DSG4: variants seen among roughly 807,000 people sequenced by gnomAD.
DSG4 encodes the protein desmoglein 4, also known as desmoglein-4.
DSG4 carries 87 observed loss-of-function variants against 93.1 expected under a neutral mutation model. That is an observed-to-expected ratio of 0.93 (90% confidence interval 0.79 to 1.12). The LOEUF (loss-of-function observed/expected upper bound fraction) is 1.12. Among genes scored for constraint, DSG4 ranks in the 50% most tolerant of loss-of-function variants. The probability of loss-of-function intolerance (pLI) is 0.00; values close to 1 mark genes in which losing one functional copy is unlikely to be tolerated. For synonymous variants in DSG4, 432 were observed against 452.9 expected (o/e 0.95, Z 0.59); for missense variants, 1,373 against 1,285.7 (o/e 1.07, Z -1.04).
chr18:31,412,528 C>T (rs987744117), intron 15 of DSG4, among the ~76,000 whole-genome samples: 1 of 152,170 alleles, frequency 6.6e-6, no homozygotes, highest in Non-Finnish European at 1.5e-5. Context: ...AATTTTATCT[C>T]ATATTTCAGT....
chr18:31,403,416 A>G lies in DSG4; in HGVS notation c.1418A>G (p.Asp473Gly). The change falls in exon 11 of 16, where the codon GAT becomes GGT. Residue 473 changes from aspartate (D) to glycine (G), a missense_variant and splice_region_variant. Asp to Gly is a moderately conservative substitution (Grantham distance 94). Transcript: ENST00000308128. ...IYTAEILAID[D>G]GSGKTATGTI... ...ACACCAATGACCCTTACTCTTTCAGATGGCTCTGGAAAAACAGCTACAGGA... is the reference window on the plus strand; with the variant it reads ...ACACCAATGACCCTTACTCTTTCAGGTGGCTCTGGAAAAACAGCTACAGGA... 1 of 1,611,118 alleles carries G rather than the reference A, an allele frequency of 6.2e-7. No homozygotes were observed. The highest frequency in any genetic ancestry group is 8.5e-7 in the Non-Finnish European group (1 of 1,178,306).
chr18:31,395,016 C>A (rs2072290652), intron 8 of DSG4, among the ~76,000 whole-genome samples: 1 of 152,036 alleles, frequency 6.6e-6, no homozygotes, highest in Admixed American at 6.6e-5. Context: ...TATCTTTCTA[C>A]CCCCAGCACC....
chr18:31,390,137 A>T (rs1168166238), intron 5 of DSG4, among the ~76,000 whole-genome samples: 1 of 152,212 alleles, frequency 6.6e-6, no homozygotes, highest in Non-Finnish European at 1.5e-5. Context: ...TTCAATAATT[A>T]TAAATTTGTG....
intron 12 of DSG4, among the ~76,000 whole-genome samples, chr18:31,409,160 C>G (rs2144214906): frequency 6.6e-6 from 1 of 152,254 alleles, no homozygotes; most frequent in South Asian, 2.1e-4. Context: ...GTTCAAGAGT[C>G]TTAGACTAAA....
chr18:31,399,943 A>G (rs1281516487), intron 9 of DSG4, among the ~76,000 whole-genome samples: 1 of 152,180 alleles, frequency 6.6e-6, no homozygotes, highest in Admixed American at 6.5e-5. Flanking sequence ...TGACTTAGAG[A>G]CTAATTTCAA....
intron 2 of DSG4, among the ~76,000 whole-genome samples, chr18:31,385,709 T>C (rs2072180076): frequency 6.6e-6 from 1 of 152,102 alleles, no homozygotes; most frequent in South Asian, 2.1e-4. Context: ...AAAAATAAAG[T>C]TTTCTCATCT....
chr18:31,377,022 T>C (rs375558885), intron 1 of DSG4, 63 bp downstream of exon 1: 15 of 1,551,134 alleles, frequency 9.7e-6, no homozygotes, highest in African/African-American at 8.2e-5. Flanking sequence ...CTGTCAACTG[T>C]CGGGCTTTCT....
intron 1 of DSG4, among the ~76,000 whole-genome samples, chr18:31,379,056 G>A (rs918842167): frequency 6.6e-6 from 1 of 152,064 alleles, no homozygotes; most frequent in Non-Finnish European, 1.5e-5. Flanking sequence ...CCAGCAAAAG[G>A]TACTCAAAAC....
At chr18:31,394,449 T>C (rs945840251) in intron 8 of DSG4, among the ~76,000 whole-genome samples, 1 of 145,872 alleles carries the variant, frequency 6.9e-6, no homozygotes, top group East Asian at 1.9e-4. Flanking sequence ...TGGTGACACA[T>C]GTCTGTAATC....
At chr18:31,383,418 A>G (rs1340917481) in intron 1 of DSG4, among the ~76,000 whole-genome samples, 1 of 152,144 alleles carries the variant, frequency 6.6e-6, no homozygotes, top group African/African-American at 2.4e-5. Flanking sequence ...TCAAATTGGG[A>G]CACGTATTTT....
intron 10 of DSG4, chr18:31,401,655 T>C (rs1260033639): frequency 2.6e-5 from 4 of 152,188 alleles, no homozygotes; most frequent in Non-Finnish European, 4.4e-5. Context: ...ACAGGATTTG[T>C]TTATTTATCA....
At chr18:31,391,664 A>T (rs1169819064) in intron 7 of DSG4, among the ~76,000 whole-genome samples, 2 of 140,146 alleles carry the variant, frequency 1.4e-5, no homozygotes, top group East Asian at 2.0e-4. Context: ...GTTTCGGTTT[A>T]AAAAAAAAAA....
At position 31,413,107 on chromosome 18, in the gene DSG4, G is replaced by T. The variant is rs1254422235; in HGVS notation, c.2635G>T (p.Glu879Ter). 4 of 1,614,148 alleles carry T rather than the reference G, an allele frequency of 2.5e-6. No homozygotes were observed. The highest frequency in any genetic ancestry group is 1.7e-6 in the Non-Finnish European group (2 of 1,180,028). Residue 879 changes from glutamate to a stop codon, truncating the protein, a stop_gained, in exon 16 of 16, where the codon GAA becomes TAA. Transcript: ENST00000308128. LOFTEE classifies it low-confidence loss of function (END_TRUNC). ...PLLGPNYFVN[E>*]SSGLTPSEVE... ...GCTCGGACCTAATTACTTTGTTAAT[G>T]AATCTTCAGGATTGACTCCCTCAGA...
At chr18:31,377,891 G>T (rs1313560509) in intron 1 of DSG4, among the ~76,000 whole-genome samples, 1 of 152,200 alleles carries the variant, frequency 6.6e-6, no homozygotes, top group African/African-American at 2.4e-5. Context: ...CTTAGAAAGT[G>T]ATTCCCATCC....
In DSG4 at chr18:31,406,285, T is replaced by G; in HGVS notation, c.1845T>G (p.Pro615=). 6.2e-7 allele frequency: 1 copy of G among 1,614,232 alleles called. No homozygotes were observed. The highest frequency in any genetic ancestry group is 8.5e-7 in the Non-Finnish European group (1 of 1,180,042). ...TEDITGDTYG[P]VTEDQAGVSN... ...ACATAACTGGTGACACGTATGGGCC[T>G]GTCACTGAAGACCAAGCTGGAGTTT... The change falls in exon 12 of 16, where the codon CCT becomes CCG. Residue 615 remains proline (P), a synonymous_variant. Coordinates refer to ENST00000308128, the MANE Select transcript of DSG4 (RefSeq NM_177986.5).
At chr18:31,409,171 G>T (rs2072458002) in intron 12 of DSG4, among the ~76,000 whole-genome samples, 1 of 152,126 alleles carries the variant, frequency 6.6e-6, no homozygotes, top group African/African-American at 2.4e-5. Flanking sequence ...TTAGACTAAA[G>T]ACGACCTTAC....
At chr18:31,403,395 C>A in intron 10 of DSG4, 21 bp from the exon 11 acceptor site, 1 of 1,594,656 alleles carries the variant, frequency 6.3e-7, no homozygotes, top group East Asian at 2.2e-5. Flanking sequence ...ACCTCAACAC[C>A]AATGACCCTT....
intron 1 of DSG4, among the ~76,000 whole-genome samples, chr18:31,380,227 A>T (rs1306900725): frequency 6.6e-6 from 1 of 152,164 alleles, no homozygotes; most frequent in African/African-American, 2.4e-5. Flanking sequence ...CCCTAAAAAG[A>T]TTTCATGGCC....
At position 31,400,933 on chromosome 18, in the gene DSG4, G is replaced by A. The variant is rs756847023; in HGVS notation, c.1330G>A (p.Gly444Ser). The A allele has an allele frequency of 6.2e-7, 1 of 1,612,268 alleles. No individual in the cohort carries two copies. The highest frequency in any genetic ancestry group is 1.1e-5 in the South Asian group (1 of 90,916). ...GSWLKIDSRTGEIQFSREFDK... is the reference protein window; with the variant it reads ...GSWLKIDSRTSEIQFSREFDK... ...CTGGTTAAAAATTGATTCAAGAACTGGTGAGATACAATTTTCTAGAGAATT... is the reference window on the plus strand; with the variant it reads ...CTGGTTAAAAATTGATTCAAGAACTAGTGAGATACAATTTTCTAGAGAATT... The change falls in exon 10 of 16, where the codon GGT becomes AGT. Residue 444 changes from glycine to serine, a missense_variant. Transcript: ENST00000308128.
Sources: gnomAD v4.1 joint callset for allele counts (sites outside exome capture counted in the v4.1 genomes callset) on GRCh38, gnomAD v4.1.1 for gene constraint, MANE v1.5 for transcripts, NCBI Gene and HGNC (gene_info 2026-07-23, HGNC 2026-07-21) for gene names.